The following NDOR1 variants were observed in gnomAD, a reference collection of about 807,000 sequenced individuals.
NDOR1 encodes NADPH dependent diflavin oxidoreductase 1, also known as NADPH-dependent diflavin oxidoreductase 1.
NDOR1 carries 61 observed loss-of-function variants against 67.2 expected under a neutral mutation model. That is an observed-to-expected ratio of 0.91 (90% CI 0.74 to 1.12). The LOEUF is 1.12. Among genes scored for constraint, NDOR1 ranks in the 50% most tolerant of loss-of-function variants. NDOR1 has a pLI of 0.00. For missense variants in NDOR1, 878 were observed against 802.8 expected (o/e 1.09, Z -1.13); for synonymous variants, 378 against 343.7 (o/e 1.10, Z -1.10).
In NDOR1 at chr9:137,214,384, T is replaced by G. The variant is rs773212598; in HGVS notation, c.693T>G (p.Ile231Met). The G allele has an allele frequency of 7.4e-6, 12 of 1,613,986 alleles. No individual in the cohort carries two copies. The highest frequency in any genetic ancestry group is 1.7e-5 in the Admixed American group (1 of 60,002). ...GPSHFQDVRL[I>M]EFDILGSGIS... ...CCCACTTCCAGGACGTTCGGCTGATTGAGTTTGACATCTTGGGCTCTGGCA... is the reference window on the plus strand; with the variant it reads ...CCCACTTCCAGGACGTTCGGCTGATGGAGTTTGACATCTTGGGCTCTGGCA... Residue 231 changes from isoleucine (I) to methionine (M), a missense_variant, in exon 6 of 14, where the codon ATT (isoleucine) becomes ATG (methionine). By Grantham distance (10) the Ile-to-Met change is conservative. Transcript: ENST00000684003.
chr9:137,212,857 C>G lies in NDOR1; in HGVS notation c.311+258C>G. 2.0e-6 allele frequency: 1 copy of G among 489,940 alleles called. No homozygotes were observed. Among genetic ancestry groups the G allele is most frequent in the Admixed American group, 3.4e-5 (1 of 29,394 alleles). 30.3% of individuals were successfully genotyped at this position (489,940 alleles called of 1,614,324 possible). On this transcript the variant is annotated intron_variant, in intron 3 of 13. Coordinates refer to ENST00000684003, the MANE Select transcript of NDOR1 (RefSeq NM_014434.4). The surrounding 1 kb of genome is among the most constrained non-coding windows in gnomAD (Gnocchi z 4.3). ...TGACGTCACACAGGCCTACCTGGCG[C>G]CGGTCCCCACTTTTACAAAAAGGCG...
rs1298211072 is a variant in NDOR1 at position 137,212,254 on chromosome 9, A to G, written c.214-248A>G. On this transcript the variant is annotated intron_variant, in intron 2 of 13. Coordinates refer to ENST00000684003, the MANE Select transcript of NDOR1 (RefSeq NM_014434.4). The surrounding 1 kb of genome is among the most constrained non-coding windows in gnomAD (Gnocchi z 4.3). Reference sequence around the variant, plus strand: ...AGCTCCACGCAGGCCTGTAGAGCACAGCAGGGTCTGGCTCCTGTGGGCAGG... The same window carrying G: ...AGCTCCACGCAGGCCTGTAGAGCACGGCAGGGTCTGGCTCCTGTGGGCAGG... 6.6e-6 allele frequency among the ~76,000 whole-genome samples: 1 copy of G among 152,154 alleles called. No individual in the cohort carries two copies. Among genetic ancestry groups the G allele is most frequent in the Admixed American group, 6.5e-5 (1 of 15,288 alleles).
Position 137,217,977 on chromosome 9 carries a change from C to G in NDOR1, c.*1561C>G, listed in dbSNP as rs1338923160. On this transcript the variant is annotated 3_prime_UTR_variant, in exon 14 of 14. Transcript: ENST00000684003. ...GGTGCTGAGACTACAGCCAGTGAGC[C>G]CCTGCTGGGGGCCAAAGCCATGGAG... is the stretch of plus-strand genomic sequence containing the variant. 1.8e-5 allele frequency: 7 copies of G among 398,694 alleles called. No individual in the cohort carries two copies. In the East Asian group the frequency reaches 2.1e-4, roughly 12 times the overall value. 24.7% of individuals were successfully genotyped at this position (398,694 alleles called of 1,614,324 possible).
rs981028890 is a variant in NDOR1 at position 137,217,425 on chromosome 9, G to T, written c.*1009G>T. ...CGGCAGGAGGGGGCGTGGTTGTGCA[G>T]CCCCACCCCCGGGAGGGGCTTTAGG... On this transcript the variant is annotated 3_prime_UTR_variant, in exon 14 of 14. Transcript: ENST00000684003. 2 of 152,440 alleles carry T rather than the reference G, an allele frequency of 1.3e-5. No homozygotes were observed. Among genetic ancestry groups the T allele is most frequent in the African/African-American group, 4.8e-5 (2 of 41,454 alleles). 9.4% of individuals were successfully genotyped at this position (152,440 alleles called of 1,614,324 possible).
In NDOR1 at chr9:137,216,286, T is replaced by C; in HGVS notation, c.1664T>C (p.Met555Thr). ...YFYLAGNAKSMPADVSEALMS... is the reference protein window; with the variant it reads ...YFYLAGNAKSTPADVSEALMS... ...TGCCCCTCTAGCAACGCCAAGTCCA[T>C]GCCAGCGGACGTCTCGGAAGCCCTG... is the stretch of plus-strand genomic sequence containing the variant. The change falls in exon 14 of 14, where the codon ATG (methionine) becomes ACG (threonine). Residue 555 changes from methionine (M) to threonine (T), a missense_variant. By Grantham distance (81) the Met-to-Thr change is moderately conservative. Coordinates refer to ENST00000684003, the MANE Select transcript of NDOR1 (RefSeq NM_014434.4). 1 of 1,612,972 alleles carries C rather than the reference T, an allele frequency of 6.2e-7. No homozygotes were observed. Among genetic ancestry groups the C allele is most frequent in the Non-Finnish European group, 8.5e-7 (1 of 1,179,982 alleles).
Position 137,213,552 on chromosome 9 carries a change from G to T in NDOR1, c.312-228G>T, listed in dbSNP as rs1478024242. Reference sequence around the variant, plus strand: ...ACAGGCTCATTCTCTGCGAGCAGAGGACCTGCTGCTTGGCACCCTGGCAGC... The same window carrying T: ...ACAGGCTCATTCTCTGCGAGCAGAGTACCTGCTGCTTGGCACCCTGGCAGC... On this transcript the variant is annotated intron_variant, in intron 3 of 13. Transcript: ENST00000684003. 2.0e-5 allele frequency among the ~76,000 whole-genome samples: 3 copies of T among 152,250 alleles called. No homozygotes were observed. In the East Asian group the frequency reaches 5.8e-4, roughly 29 times the overall value.
chr9:137,216,248 G>T, intron 13 of NDOR1, 24 bp from the exon 14 acceptor site: 1 of 1,612,754 alleles, frequency 6.2e-7, no homozygotes, highest in Non-Finnish European at 8.5e-7. Context: ...GCCTCATTGC[G>T]CCTTCTGCGA....
Position 137,206,250 on chromosome 9 carries a change from C to T in NDOR1, c.154C>T (p.Pro52Ser). ...TGTTGAGGTGAATCTGATTAACGAGCCCCTGGTGATATTTGTTTGTGCAAC... is the reference window on the plus strand; with the variant it reads ...TGTTGAGGTGAATCTGATTAACGAGTCCCTGGTGATATTTGTTTGTGCAAC... The part of the protein sequence containing the change: ...SYPVVNLINE[P>S]LVIFVCATTG... The change falls in exon 2 of 14, where the codon CCC becomes TCC. Residue 52 changes from proline (P) to serine (S), a missense_variant. By Grantham distance (74) the Pro-to-Ser change is moderately conservative. Coordinates refer to ENST00000684003, the MANE Select transcript of NDOR1 (RefSeq NM_014434.4). The T allele has an allele frequency of 6.2e-7, 1 of 1,613,990 alleles. No individual in the cohort carries two copies. Among genetic ancestry groups the T allele is most frequent in the Middle Eastern group, 1.7e-4 (1 of 6,058 alleles).
intron 3 of NDOR1, 89 bp from the exon 4 acceptor site, chr9:137,213,691 C>A: frequency 1.5e-6 from 2 of 1,331,652 alleles, no homozygotes; most frequent in Non-Finnish European, 1.0e-6. Context: ...CCACTCTTCG[C>A]CCGGGCTCCA....
At chr9:137,211,312 G>C (rs1004479970) in intron 2 of NDOR1, among the ~76,000 whole-genome samples, 10 of 152,232 alleles carry the variant, frequency 6.6e-5, no homozygotes, top group African/African-American at 2.2e-4. Context: ...TCTGCGGCCA[G>C]AGAGCCCCAT....
chr9:137,212,407 C>A lies in NDOR1; in HGVS notation c.214-95C>A. The A allele has an allele frequency of 1.8e-6, 2 of 1,084,868 alleles. No homozygotes were observed. The highest frequency in any genetic ancestry group is 1.3e-5 in the South Asian group (1 of 78,540). 67.2% of individuals were successfully genotyped at this position (1,084,868 alleles called of 1,614,324 possible). A position where few individuals can be genotyped will look rare whatever the true frequency, so the allele number is the denominator to read the frequency against. ...AGTTGTATTCTGCCCCCATCCTACC[C>A]ACCTGCCTGTTCCCCTGAGACCCTC... On this transcript the variant is annotated intron_variant, in intron 2 of 13. Transcript: ENST00000684003. The surrounding 1 kb of genome is among the most constrained non-coding windows in gnomAD (Gnocchi z 4.3).
In NDOR1 at chr9:137,206,296, C is replaced by T. The variant is rs1166392328; in HGVS notation, c.200C>T (p.Pro67Leu). 5 of 1,613,878 alleles carry T rather than the reference C, an allele frequency of 3.1e-6. No individual in the cohort carries two copies. The highest frequency in any genetic ancestry group is 1.7e-5 in the Admixed American group (1 of 60,006). The change falls in exon 2 of 14, where the codon CCT (proline) becomes CTT (leucine). Residue 67 changes from proline to leucine, a missense_variant. Transcript: ENST00000684003. ...VCATTGQGDPPDNMKNFWRFI... is the reference protein window; with the variant it reads ...VCATTGQGDPLDNMKNFWRFI... ...GCAACTACAGGCCAAGGAGACCCCC[C>T]TGACAACATGAAGGTAAGGCTGGCC...
chr9:137,211,081 C>T (rs992980379), intron 2 of NDOR1, among the ~76,000 whole-genome samples: 9 of 152,160 alleles, frequency 5.9e-5, no homozygotes, highest in South Asian at 2.1e-4. Context: ...GCGGAGGTTG[C>T]GGTGAGCTGA....
At chr9:137,208,158 AAAG>A (rs1835066987) in intron 2 of NDOR1, among the ~76,000 whole-genome samples, 3 of 145,162 alleles carry the variant, frequency 2.1e-5, no homozygotes, top group Non-Finnish European at 3.0e-5. Flanking sequence ...AAAAAAAAAA[AAAG>A]AAAAAGAGCC....
chr9:137,214,445 G>A, intron 6 of NDOR1, 32 bp downstream of exon 6: 1 of 1,575,080 alleles, frequency 6.3e-7, no homozygotes, highest in South Asian at 1.1e-5. Flanking sequence ...GGAGGGCAAG[G>A]TGAGGTGGGC....
At chr9:137,213,603 G>A (rs551813684) in intron 3 of NDOR1, among the ~76,000 whole-genome samples, 177 bp from the exon 4 acceptor site, 8 of 152,266 alleles carry the variant, frequency 5.3e-5, no homozygotes, top group African/African-American at 1.7e-4. Flanking sequence ...AGCCCCTGGC[G>A]TGTGGAGGCC....
Position 137,208,823 on chromosome 9 carries a change from C to CA in NDOR1, c.213+2525dup, listed in dbSNP as rs993375471. Among the ~76,000 whole-genome samples, 405 of 140,866 alleles carry CA rather than the reference C, an allele frequency of 2.9e-3. 4 individuals are homozygous for CA. Among genetic ancestry groups the CA allele is most frequent in the African/African-American group, 9.2e-3 (357 of 38,802 alleles). 92.4% of individuals were successfully genotyped at this position (140,866 alleles called of 152,430 possible). On this transcript the variant is annotated intron_variant, in intron 2 of 13. Coordinates refer to ENST00000684003, the MANE Select transcript of NDOR1 (RefSeq NM_014434.4). The stretch of plus-strand genomic sequence containing the variant: ...TGGGCGACAGAGCAAGACCCTGTCT[C>CA]AAAAAAAAAAAGACGGGAGAAACTT...
chr9:137,215,254 C>CG, intron 9 of NDOR1, 52 bp downstream of exon 9: 1 of 1,577,696 alleles, frequency 6.3e-7, no homozygotes, highest in South Asian at 1.1e-5. Flanking sequence ...AAGCTGGGAC[C>CG]GGGGCTGTGG....
chr9:137,206,146 G>A, intron 1 of NDOR1, 86 bp from the exon 2 acceptor site: 1 of 1,545,832 alleles, frequency 6.5e-7, no homozygotes, highest in Non-Finnish European at 8.9e-7. Context: ...CTGTCAGCCT[G>A]AGTAAAGGAG....
Sources: allele counts gnomAD v4.1 joint callset (sites outside exome capture counted in the v4.1 genomes callset), GRCh38; gene constraint gnomAD v4.1.1; non-coding constraint Gnocchi (gnomAD v3.1); transcripts MANE v1.5; gene names NCBI Gene and HGNC (gene_info 2026-07-23, HGNC 2026-07-21).